The following ALS2 variants were observed in gnomAD, a reference collection of about 807,000 sequenced individuals.
The protein encoded by ALS2 is alsin.
In ALS2, 117 loss-of-function variants were observed where a neutral mutation model predicts 203.4. The observed-to-expected ratio is 0.58, with a 90% CI of 0.50 to 0.67. ALS2 has a LOEUF of 0.67. Among genes scored for constraint, ALS2 ranks in the 30% least tolerant of loss-of-function variants. The probability of loss-of-function intolerance (pLI) is 0.00; values close to 1 mark genes in which losing one functional copy is unlikely to be tolerated. For missense variants in ALS2, 1,715 were observed against 1,989.4 expected (o/e 0.86, Z 2.62); for synonymous variants, 718 against 725.9 (o/e 0.99, Z 0.17).
Position 201,746,763 on chromosome 2 carries a change from A to T in ALS2, c.1816-15T>A. 6.2e-7 allele frequency: 1 copy of T among 1,613,986 alleles called. No individual in the cohort carries two copies. The highest frequency in any genetic ancestry group is 8.5e-7 in the Non-Finnish European group (1 of 1,179,962). On this transcript the variant is annotated splice_polypyrimidine_tract_variant and intron_variant, in intron 8 of 33. Coordinates refer to ENST00000264276, the MANE Select transcript of ALS2 (RefSeq NM_020919.4). ...TCACTGCTTATCTGCAACGACAGAA[A>T]GATAGTGTCTGTCCAAGATAAAGGC...
At chr2:201,727,913 T>C (rs1299991406) in intron 15 of ALS2, 138 bp from the exon 16 acceptor site, 2 of 859,658 alleles carry the variant, frequency 2.3e-6, no homozygotes, top group Admixed American at 2.0e-5. Flanking sequence ...GTTAAGCCCA[T>C]GTAGGTGCCA....
At chr2:201,755,773 T>C (rs373324702) in intron 5 of ALS2, among the ~76,000 whole-genome samples, 4 of 152,210 alleles carry the variant, frequency 2.6e-5, no homozygotes, top group Non-Finnish European at 5.9e-5. Flanking sequence ...TAAAAGAACA[T>C]TGCCATCTTT....
rs996681311 is a variant in ALS2 at position 201,716,565 on chromosome 2, A to G, written c.3837-726T>C. On this transcript the variant is annotated intron_variant, in intron 24 of 33. Transcript: ENST00000264276. Reference sequence around the variant, plus strand: ...CTCAAAAAAAAAAAAAAAAAAAAAAATTAGCCAGGCGTGGTGGCCCGTACC... The same window carrying G: ...CTCAAAAAAAAAAAAAAAAAAAAAAGTTAGCCAGGCGTGGTGGCCCGTACC... 562 of 149,340 alleles carry G rather than the reference A, an allele frequency of 3.8e-3. 3 individuals carry two copies. Among genetic ancestry groups the G allele is most frequent in the Middle Eastern group, 6.8e-3 (2 of 296 alleles). The allele number at this position is 149,340 out of a possible 1,614,324, so 9.3% of individuals were successfully genotyped here.
chr2:201,770,743 C>T (rs1009235752), intron 1 of ALS2, among the ~76,000 whole-genome samples: 4 of 152,110 alleles, frequency 2.6e-5, no homozygotes, highest in Admixed American at 2.0e-4. Flanking sequence ...TCAGAGATGA[C>T]GCTACACTGC....
At chr2:201,751,685 C>T (rs912200786) in intron 7 of ALS2, among the ~76,000 whole-genome samples, 3 of 152,136 alleles carry the variant, frequency 2.0e-5, no homozygotes, top group Non-Finnish European at 4.4e-5. Flanking sequence ...ACATATCTTA[C>T]TTTCTAATTT....
intron 12 of ALS2, among the ~76,000 whole-genome samples, chr2:201,736,771 T>C (rs185266634): frequency 1.3e-5 from 2 of 152,304 alleles, no homozygotes; most frequent in Non-Finnish European, 1.5e-5. Context: ...ACAGTTATTC[T>C]GGTGTAATCA....
intron 6 of ALS2, 76 bp downstream of exon 6, chr2:201,754,427 G>A (rs764338473): frequency 1.3e-6 from 2 of 1,576,534 alleles, no homozygotes; most frequent in South Asian, 1.1e-5. Context: ...TGAGGAAAGT[G>A]AGATTTAGAG....
intron 29 of ALS2, among the ~76,000 whole-genome samples, chr2:201,706,579 A>G (rs1249231039): frequency 6.8e-6 from 1 of 147,510 alleles, no homozygotes; most frequent in Non-Finnish European, 1.5e-5. Flanking sequence ...TATAAAATAC[A>G]TTACTAATAT....
Position 201,715,829 on chromosome 2 carries a change from C to G in ALS2, c.3847G>C (p.Gly1283Arg). The G allele has an allele frequency of 6.2e-7, 1 of 1,614,224 alleles. No individual in the cohort carries two copies. The highest frequency in any genetic ancestry group is 8.5e-7 in the Non-Finnish European group (1 of 1,180,030). ...TCATCAGCTGGCACTGCCAGGTTTC[C>G]TAGCTTCCTGCTAATAAAGTCATAT... ...KDRPKVFRKLGNLAVPADEKW... is the reference protein window; with the variant it reads ...KDRPKVFRKLRNLAVPADEKW... The change falls in exon 25 of 34, where the codon GGA becomes CGA. Residue 1283 changes from glycine (G) to arginine (R), a missense_variant. By Grantham distance (125) the Gly-to-Arg change is moderately radical. Coordinates refer to ENST00000264276, the MANE Select transcript of ALS2 (RefSeq NM_020919.4).
At chr2:201,727,892 C>G (rs1243954960) in intron 15 of ALS2, 117 bp from the exon 16 acceptor site, 7 of 1,003,936 alleles carry the variant, frequency 7.0e-6, no homozygotes, top group Non-Finnish European at 1.1e-5. Context: ...GCTGCAGAAC[C>G]CCTTGAAATA....
intron 27 of ALS2, among the ~76,000 whole-genome samples, chr2:201,709,524 G>A (rs11687716): frequency 0.89 from 136,013 of 152,108 alleles, 61,019 homozygotes; most frequent in East Asian, 0.98. Flanking sequence ...AAACTCAAGG[G>A]CAAAACTTCA....
At chr2:201,715,172 C>T (rs1690287761) in intron 25 of ALS2, among the ~76,000 whole-genome samples, 1 of 152,164 alleles carries the variant, frequency 6.6e-6, no homozygotes, top group Admixed American at 6.5e-5. Context: ...ACAGAAGGTC[C>T]TGGAGGCTTG....
chr2:201,729,907 CT>C lies in ALS2; in HGVS notation c.2581-725del, dbSNP rs35846496. ...AAAAAAAAAAAAAAAAAAAAAACAA[CT>C]TTTTTTGTGAGAAAAGTGGCAATGG... On this transcript the variant is annotated intron_variant, in intron 13 of 33. Transcript: ENST00000264276. Among the ~76,000 whole-genome samples, 21 of 137,460 alleles carry C rather than the reference CT, an allele frequency of 1.5e-4. No individual in the cohort carries two copies. In the East Asian group the frequency reaches 4.6e-3, roughly 30 times the overall value. 90.2% of individuals were successfully genotyped at this position (137,460 alleles called of 152,430 possible).
chr2:201,749,495 T>C (rs1044604208), intron 8 of ALS2, among the ~76,000 whole-genome samples: 10 of 152,168 alleles, frequency 6.6e-5, no homozygotes, highest in African/African-American at 2.4e-4. Flanking sequence ...GCATATTTAA[T>C]GAACAGTTGA....
At chr2:201,744,072 G>A (rs899410122) in intron 10 of ALS2, among the ~76,000 whole-genome samples, 186 bp downstream of exon 10, 1 of 152,102 alleles carries the variant, frequency 6.6e-6, no homozygotes, top group African/African-American at 2.4e-5. Flanking sequence ...GACAGGGCAG[G>A]GGCAGTGAGG....
At chr2:201,745,551 A>C (rs1367204127) in intron 9 of ALS2, among the ~76,000 whole-genome samples, 1 of 152,248 alleles carries the variant, frequency 6.6e-6, no homozygotes, top group African/African-American at 2.4e-5. Flanking sequence ...TGGGGAAAAG[A>C]AAGCTAGAAA....
intron 9 of ALS2, among the ~76,000 whole-genome samples, chr2:201,745,346 T>G (rs1238068130): frequency 6.6e-6 from 1 of 152,036 alleles, no homozygotes; most frequent in Non-Finnish European, 1.5e-5. Context: ...TTGTACTTGG[T>G]CCCAATGTTA....
chr2:201,746,439 T>C, intron 9 of ALS2, 127 bp downstream of exon 9: 2 of 1,090,542 alleles, frequency 1.8e-6, no homozygotes, highest in South Asian at 1.3e-5. Flanking sequence ...TTGAAAGGAG[T>C]TTGCAATTTT....
intron 31 of ALS2, 58 bp downstream of exon 31, chr2:201,705,081 T>A (rs1689621125): frequency 6.6e-7 from 1 of 1,508,590 alleles, no homozygotes; most frequent in Admixed American, 1.7e-5. Context: ...ATTAATAATA[T>A]CTTAATAGAC....
Sources: gnomAD v4.1 joint callset for allele counts (sites outside exome capture counted in the v4.1 genomes callset) on GRCh38, gnomAD v4.1.1 for gene constraint, MANE v1.5 for transcripts, NCBI Gene and HGNC (gene_info 2026-07-23, HGNC 2026-07-21) for gene names.